Variants in SH3GL3 observed in about 807,000 individuals in gnomAD.
SH3GL3 encodes the protein endophilin-A3.
In SH3GL3, 33 loss-of-function variants were observed where a neutral mutation model predicts 47.7. The observed-to-expected ratio is 0.69, with a 90% CI of 0.52 to 0.92. The LOEUF (loss-of-function observed/expected upper bound fraction) is 0.92, where lower values mean the gene tolerates loss of function less well. Ranked by LOEUF, SH3GL3 falls within the 40% of genes least tolerant of loss-of-function variation. The pLI is 0.00. For synonymous variants in SH3GL3, 155 were observed against 148.8 expected (o/e 1.04, Z -0.30); for missense variants, 363 against 417.8 (o/e 0.87, Z 1.14).
chr15:83,615,572 A>G (rs1225922921), intron 8 of SH3GL3, among the ~76,000 whole-genome samples: 7 of 152,198 alleles, frequency 4.6e-5, no homozygotes, highest in Non-Finnish European at 7.3e-5. Flanking sequence ...TTGGCCTCCC[A>G]GAGTGCTGGG....
In SH3GL3 at chr15:83,572,514, C is replaced by G. The variant is rs777738571; in HGVS notation, c.332-51C>G. On this transcript the variant is annotated intron_variant, in intron 4 of 8. Transcript: ENST00000427482. ...AGAATGAAATAAATAGCACTGTTAA[C>G]CTGGAGTAGTGTTCCCAAAGAACCT... 3 of 1,517,924 alleles carry G rather than the reference C, an allele frequency of 2.0e-6. No individual in the cohort carries two copies. The East Asian group carries it at 6.8e-5, about 34-fold the overall frequency. 94.0% of individuals were successfully genotyped at this position (1,517,924 alleles called of 1,614,324 possible).
chr15:83,547,525 A>G (rs918676015), intron 1 of SH3GL3, among the ~76,000 whole-genome samples: 1 of 152,090 alleles, frequency 6.6e-6, no homozygotes, highest in Non-Finnish European at 1.5e-5. Flanking sequence ...ACAGAGTTAA[A>G]ATCAGGTGCT....
At chr15:83,475,016 A>G (rs1239438188) in intron 1 of SH3GL3, among the ~76,000 whole-genome samples, 3 of 151,656 alleles carry the variant, frequency 2.0e-5, no homozygotes, top group African/African-American at 7.3e-5. Context: ...GGATGCAAGA[A>G]TAGGTATTCT....
chr15:83,492,708 C>G (rs1343032783), intron 1 of SH3GL3, among the ~76,000 whole-genome samples: 1 of 152,218 alleles, frequency 6.6e-6, no homozygotes, highest in South Asian at 2.1e-4. Flanking sequence ...ACAAATACCC[C>G]AGCTTCCTTC....
chr15:83,593,731 G>A (rs1206992302), intron 8 of SH3GL3, among the ~76,000 whole-genome samples: 1 of 151,992 alleles, frequency 6.6e-6, no homozygotes, highest in African/African-American at 2.4e-5. Context: ...GGGTTAGAGT[G>A]GACATCCTTG....
At chr15:83,615,087 T>C (rs560285305) in intron 8 of SH3GL3, among the ~76,000 whole-genome samples, 70 of 149,656 alleles carry the variant, frequency 4.7e-4, no homozygotes, top group African/African-American at 1.7e-3. Context: ...TCAAATAGGA[T>C]GGCAAAAGTC....
chr15:83,581,990 C>G (rs532046372), intron 6 of SH3GL3, among the ~76,000 whole-genome samples: 1 of 152,176 alleles, frequency 6.6e-6, no homozygotes, highest in Non-Finnish European at 1.5e-5. Flanking sequence ...GATTTCTCAC[C>G]AGGCCAAGTT....
chr15:83,451,060 G>GT (rs1284929695), intron 1 of SH3GL3, among the ~76,000 whole-genome samples: 3 of 107,850 alleles, frequency 2.8e-5, no homozygotes, highest in East Asian at 5.7e-4. Context: ...GCGGTGTTTG[G>GT]TTTTTTGTTC....
At chr15:83,626,584 T>G in the SH3GL3 span, among the ~76,000 whole-genome samples, 37 of 152,348 alleles carry the variant, frequency 2.4e-4, no homozygotes, top group African/African-American at 8.7e-4. Context: ...TTTCTTATCT[T>G]TTGCCTTACT....
the SH3GL3 span, among the ~76,000 whole-genome samples, chr15:83,631,862 T>C: frequency 6.6e-6 from 1 of 152,260 alleles, no homozygotes; most frequent in Admixed American, 6.5e-5. Context: ...TCCTTATTGC[T>C]TATACAAATT....
At chr15:83,510,716 A>G (rs2042710130) in intron 1 of SH3GL3, among the ~76,000 whole-genome samples, 1 of 152,082 alleles carries the variant, frequency 6.6e-6, no homozygotes. Context: ...ATGTGTCAAT[A>G]TACATGTAAA....
At chr15:83,620,111 G>C (rs1054318823), downstream of SH3GL3, among the ~76,000 whole-genome samples, 1 of 152,176 alleles carries the variant, frequency 6.6e-6, no homozygotes, top group Non-Finnish European at 1.5e-5. Flanking sequence ...CAGGAATTCA[G>C]TCACATCTTC....
intron 1 of SH3GL3, among the ~76,000 whole-genome samples, chr15:83,539,430 C>G (rs972729425): frequency 6.6e-6 from 1 of 152,184 alleles, no homozygotes; most frequent in Non-Finnish European, 1.5e-5. Context: ...GGCCTATCAT[C>G]TTCTGAAGAC....
intron 8 of SH3GL3, among the ~76,000 whole-genome samples, chr15:83,610,418 AGGTAC>A (rs918905768): frequency 1.3e-5 from 2 of 152,206 alleles, no homozygotes; most frequent in African/African-American, 4.8e-5. Context: ...CTGTAGTCCC[AGGTAC>A]TCAGGAGGCT....
chr15:83,559,216 C>G, intron 1 of SH3GL3, 37 bp from the exon 2 acceptor site: 4 of 1,165,220 alleles, frequency 3.4e-6, no homozygotes, highest in Non-Finnish European at 3.9e-6. Flanking sequence ...GACAAGAAAT[C>G]ATTGTACAAT....
At chr15:83,494,228 A>C (rs1298521224) in intron 1 of SH3GL3, among the ~76,000 whole-genome samples, 1 of 152,194 alleles carries the variant, frequency 6.6e-6, no homozygotes, top group Non-Finnish European at 1.5e-5. Context: ...GGCAGAGCTC[A>C]GCCACTGGAG....
chr15:83,548,946 T>G (rs942441426), intron 1 of SH3GL3, among the ~76,000 whole-genome samples: 6 of 152,136 alleles, frequency 3.9e-5, no homozygotes, highest in African/African-American at 1.2e-4. Flanking sequence ...ATAGTGCTCT[T>G]TTTTGTGTTT....
At chr15:83,518,160 C>T (rs2043063276) in intron 1 of SH3GL3, among the ~76,000 whole-genome samples, 1 of 152,098 alleles carries the variant, frequency 6.6e-6, no homozygotes, top group Non-Finnish European at 1.5e-5. Context: ...TCGATGTGAA[C>T]CTATCTTTGC....
At chr15:83,483,740 G>C (rs1432996342) in intron 1 of SH3GL3, among the ~76,000 whole-genome samples, 1 of 152,198 alleles carries the variant, frequency 6.6e-6, no homozygotes, top group African/African-American at 2.4e-5. Flanking sequence ...AAGTGCTGTT[G>C]GTAGGGGCAT....
Sources: allele counts gnomAD v4.1 joint callset (sites outside exome capture counted in the v4.1 genomes callset), GRCh38; gene constraint gnomAD v4.1.1; transcripts MANE v1.5; gene names NCBI Gene and HGNC (gene_info 2026-07-23, HGNC 2026-07-21).